Variants in ACSL6 observed in about 807,000 individuals in gnomAD.
ACSL6 encodes acyl-CoA synthetase long chain family member 6.
Under a neutral mutation model 98.2 loss-of-function variants are expected in ACSL6, and 47 were observed. That is an observed-to-expected ratio of 0.48 (90% CI 0.38 to 0.61). The LOEUF (loss-of-function observed/expected upper bound fraction) is 0.61, where lower values mean the gene tolerates loss of function less well. ACSL6 is among the 20% of genes least tolerant of loss of function. ACSL6 has a pLI of 0.00. For missense variants in ACSL6, 761 were observed against 913.4 expected, an observed-to-expected ratio of 0.83 and a Z score of 2.15; for synonymous variants, 362 against 336.9, an observed-to-expected ratio of 1.07 and a Z score of -0.82.
At chr5:131,973,495 A>AG in intron 11 of ACSL6, 95 bp from the exon 12 acceptor site, 2 of 1,351,528 alleles carry the variant, frequency 1.5e-6, no homozygotes, top group Non-Finnish European at 2.0e-6. Context: ...CATGGAGGGC[A>AG]CCCATGACCC....
At chr5:131,954,939 T>C (rs1752320714) in intron 20 of ACSL6, among the ~76,000 whole-genome samples, 2 of 152,182 alleles carry the variant, frequency 1.3e-5, no homozygotes, top group Admixed American at 1.3e-4. Flanking sequence ...AGTGGTTTCT[T>C]GTTCCATAAA....
rs114731341 is a variant in ACSL6, at chr5:131,960,099, A to C, written c.1959+421T>G. ...AGAATTGTGCTACTTTTTCTATTCC[A>C]TGACTAGCTGTCTACACCCAGCAGA... On this transcript the variant is annotated intron_variant, in intron 19 of 20. Transcript: ENST00000651883. 5.4e-3 allele frequency among the ~76,000 whole-genome samples: 821 copies of C among 152,288 alleles called. 4 individuals carry two copies. Among genetic ancestry groups the C allele is most frequent in the African/African-American group, 0.018 (756 of 41,568 alleles).
upstream of ACSL6, chr5:132,011,964 C>T (rs1265350016): frequency 5.2e-6 from 8 of 1,532,720 alleles, 1 homozygote; most frequent in South Asian, 9.9e-5. This position sits in a 1 kb window ranked among gnomAD's most constrained non-coding sequence, Gnocchi z 5.4. Flanking sequence ...CGACGAGCGC[C>T]AGAGCGTGAC....
chr5:132,008,259 T>C lies in ACSL6; in HGVS notation c.49+3246A>G, dbSNP rs190704482. 5.3e-5 allele frequency among the ~76,000 whole-genome samples: 8 copies of C among 152,338 alleles called. No individual in the cohort carries two copies. In the East Asian group the frequency reaches 1.5e-3, roughly 29 times the overall value. ...CCCTAGACCTCAAGTCAGTTCTCTG[T>C]CCTAATGGGAGCCCAGAGTGGGGTA... On this transcript the variant is annotated intron_variant, in intron 1 of 20. Coordinates refer to ENST00000651883, the MANE Select transcript of ACSL6 (RefSeq NM_001009185.3).
chr5:131,998,203 G>A (rs1340549158), intron 1 of ACSL6, among the ~76,000 whole-genome samples: 1 of 152,216 alleles, frequency 6.6e-6, no homozygotes, highest in Admixed American at 6.5e-5. Flanking sequence ...GGCAAGAGGA[G>A]TGTGGACAGC....
chr5:131,991,620 G>A (rs1249625767), intron 2 of ACSL6, among the ~76,000 whole-genome samples: 3 of 152,134 alleles, frequency 2.0e-5, no homozygotes, highest in African/African-American at 7.2e-5. Context: ...AGAGTGGGAA[G>A]GTGGCAAACC....
intron 2 of ACSL6, among the ~76,000 whole-genome samples, chr5:131,992,999 G>A (rs543701667): frequency 6.6e-6 from 1 of 152,312 alleles, no homozygotes; most frequent in South Asian, 2.1e-4. Context: ...CAGAGGCACA[G>A]CCAGGCTTCA....
At chr5:131,980,148 G>A (rs1227229286) in intron 9 of ACSL6, among the ~76,000 whole-genome samples, 1 of 152,170 alleles carries the variant, frequency 6.6e-6, no homozygotes, top group Non-Finnish European at 1.5e-5. Context: ...CTGGCTGCTT[G>A]TTTCTGCTTT....
intron 13 of ACSL6, among the ~76,000 whole-genome samples, chr5:131,971,905 T>G (rs1398205683): frequency 6.6e-6 from 1 of 152,170 alleles, no homozygotes; most frequent in East Asian, 1.9e-4. Flanking sequence ...GTACCATCAG[T>G]CTGGGTGGCA....
intron 5 of ACSL6, 150 bp downstream of exon 5, chr5:131,989,257 C>T: frequency 1.3e-6 from 1 of 763,414 alleles, no homozygotes; most frequent in East Asian, 2.5e-5. Flanking sequence ...AGGGGCAGAG[C>T]CAGGGTGGGA....
Position 131,966,425 on chromosome 5 carries a change from T to C in ACSL6, c.1704A>G (p.Lys568=). 1 of 1,614,056 alleles carries C rather than the reference T, an allele frequency of 6.2e-7. No homozygotes were observed. ...TTCCAAACATACACACCGGCAGCCA[T>C]TTTCCGATGTCTCCAGTGTGAAGCC... ...DGWLHTGDIG[K]WLPAGTLKII... is the part of the protein sequence containing the mutation. Residue 568 remains lysine, a synonymous_variant, in exon 17 of 21, where the codon AAA becomes AAG. Transcript: ENST00000651883.
chr5:131,997,069 T>C (rs750368932), intron 1 of ACSL6, among the ~76,000 whole-genome samples: 12 of 152,076 alleles, frequency 7.9e-5, no homozygotes, highest in Non-Finnish European at 1.5e-4. Context: ...CAAAATCTCA[T>C]ACAAAGATCA....
intron 15 of ACSL6, among the ~76,000 whole-genome samples, chr5:131,968,642 A>C (rs1394193629): frequency 6.6e-6 from 1 of 152,224 alleles, no homozygotes; most frequent in African/African-American, 2.4e-5. Context: ...CATGAAAATA[A>C]GACTCCAAAT....
intron 2 of ACSL6, 110 bp from the exon 3 acceptor site, chr5:131,991,077 G>A: frequency 1.2e-6 from 1 of 859,282 alleles, no homozygotes; most frequent in Non-Finnish European, 1.9e-6. Flanking sequence ...ACCCGTGCAT[G>A]CAGTTAGCAC....
chr5:131,993,851 A>G, intron 2 of ACSL6, 180 bp downstream of exon 2: 1 of 626,712 alleles, frequency 1.6e-6, no homozygotes, highest in South Asian at 1.9e-5. Flanking sequence ...GAGAGGCAGA[A>G]GGAGTGCCTG....
At chr5:131,986,277 G>A (rs758034961) in intron 8 of ACSL6, among the ~76,000 whole-genome samples, 1 of 152,194 alleles carries the variant, frequency 6.6e-6, no homozygotes, top group African/African-American at 2.4e-5. Context: ...AAGGGAGAGG[G>A]AAGGACTGAG....
intron 20 of ACSL6, among the ~76,000 whole-genome samples, chr5:131,957,411 G>A (rs1295971457): frequency 6.6e-6 from 1 of 152,218 alleles, no homozygotes; most frequent in Non-Finnish European, 1.5e-5. Context: ...TCATGGTTAA[G>A]TATGCTCAAA....
At chr5:131,974,996 G>A in intron 10 of ACSL6, 26 bp from the exon 11 acceptor site, 1 of 1,609,842 alleles carries the variant, frequency 6.2e-7, no homozygotes, top group East Asian at 2.2e-5. Context: ...ATGGGAGACA[G>A]AAAGGAAAGA....
chr5:131,989,576 A>C, intron 4 of ACSL6, 68 bp from the exon 5 acceptor site: 2 of 476,330 alleles, frequency 4.2e-6, no homozygotes, highest in East Asian at 4.4e-5. Context: ...GATCCCCAGG[A>C]GGAATTCTTT....
Sources: allele counts gnomAD v4.1 joint callset (sites outside exome capture counted in the v4.1 genomes callset), GRCh38; gene constraint gnomAD v4.1.1; non-coding constraint Gnocchi (gnomAD v3.1); transcripts MANE v1.5; gene names NCBI Gene and HGNC (gene_info 2026-07-23, HGNC 2026-07-21).